BUB1B: variants seen among roughly 807,000 people sequenced by gnomAD.
BUB1B encodes the protein mitotic checkpoint serine/threonine-protein kinase BUB1 beta.
A neutral mutation model predicts 137.7 loss-of-function variants in BUB1B; 86 were observed. That is an observed-to-expected ratio of 0.62 (90% CI 0.52 to 0.75). The LOEUF is 0.75. Ranked by LOEUF, BUB1B falls within the 30% of genes least tolerant of loss-of-function variation. The pLI is 0.00. For missense variants in BUB1B, 1,130 were observed against 1,236.9 expected (o/e 0.91, Z 1.30); for synonymous variants, 420 against 417.9 (o/e 1.00, Z -0.06).
intron 14 of BUB1B, among the ~76,000 whole-genome samples, chr15:40,203,667 T>A (rs2037602790): frequency 6.6e-6 from 1 of 152,190 alleles, no homozygotes; most frequent in African/African-American, 2.4e-5. Flanking sequence ...TTTTTGGCAA[T>A]GCAAAAGTTA....
intron 1 of BUB1B, among the ~76,000 whole-genome samples, 174 bp downstream of exon 1, chr15:40,161,429 G>A (rs1477819942): frequency 6.6e-6 from 1 of 152,182 alleles, no homozygotes; most frequent in African/African-American, 2.4e-5. Context: ...AAACGCAGTG[G>A]ACTGAGGGCA....
At chr15:40,174,832 C>T (rs1230669713) in intron 4 of BUB1B, among the ~76,000 whole-genome samples, 3 of 152,108 alleles carry the variant, frequency 2.0e-5, no homozygotes, top group East Asian at 1.9e-4. Flanking sequence ...GCCGTGGTGG[C>T]GGGCGCCTAT....
chr15:40,185,070 C>A, intron 6 of BUB1B, 95 bp from the exon 7 acceptor site: 2 of 977,056 alleles, frequency 2.0e-6, no homozygotes, highest in Non-Finnish European at 3.2e-6. Flanking sequence ...AGTGGAAATA[C>A]TGTCCTTGAG....
intron 15 of BUB1B, among the ~76,000 whole-genome samples, chr15:40,207,163 CTT>C (rs1446213617): frequency 1.7e-4 from 26 of 152,156 alleles, no homozygotes; most frequent in Middle Eastern, 3.4e-3. Context: ...AAAAAACTAT[CTT>C]TTGATAGAGA....
intron 2 of BUB1B, among the ~76,000 whole-genome samples, chr15:40,167,460 A>T (rs895797337): frequency 6.9e-6 from 1 of 144,618 alleles, no homozygotes; most frequent in Admixed American, 7.4e-5. Context: ...CTCCTGCCTC[A>T]GCCTCCTGAG....
chr15:40,218,016 A>T (rs1213610650), intron 21 of BUB1B, among the ~76,000 whole-genome samples: 10 of 152,238 alleles, frequency 6.6e-5, no homozygotes, highest in African/African-American at 2.4e-4. Context: ...GAGTAAATGA[A>T]GTAATGTATA....
intron 5 of BUB1B, among the ~76,000 whole-genome samples, chr15:40,180,642 C>CTTTTTTTTTTTTTT (rs71132149): frequency 7.6e-5 from 5 of 65,836 alleles, no homozygotes; most frequent in East Asian, 5.1e-4. Flanking sequence ...TTTTCTTTTT[C>CTTTTTTTTTTTTTT]TTTTTTTTTT....
chr15:40,165,087 C>T lies in BUB1B; in HGVS notation c.70C>T (p.Leu24=). The part of the protein sequence containing the change: ...AMSLEGDEWE[L]SKENVQPLRQ... ...GTCCCTGGAGGGAGATGAATGGGAA[C>T]TGAGTAAAGAAAATGTACAACCTTT... Residue 24 remains leucine, a synonymous_variant, in exon 2 of 23, where the codon CTG becomes TTG. Coordinates refer to ENST00000287598, the MANE Select transcript of BUB1B (RefSeq NM_001211.6). 1 of 1,614,162 alleles carries T rather than the reference C, an allele frequency of 6.2e-7. No individual in the cohort carries two copies. The highest frequency in any genetic ancestry group is 8.5e-7 in the Non-Finnish European group (1 of 1,180,032).
At chr15:40,176,999 C>G (rs549990802) in intron 5 of BUB1B, among the ~76,000 whole-genome samples, 4 of 152,122 alleles carry the variant, frequency 2.6e-5, no homozygotes, top group Non-Finnish European at 4.4e-5. Context: ...TATTCTCCAG[C>G]CTGTGGTTTT....
chr15:40,196,481 T>C (rs1400223881), intron 8 of BUB1B, 64 bp from the exon 9 acceptor site: 8 of 1,400,368 alleles, frequency 5.7e-6, no homozygotes, highest in Middle Eastern at 1.9e-4. Context: ...TTAGCTTCTT[T>C]TATCAATCTT....
rs1047130 is a variant in BUB1B at position 40,196,650 on chromosome 15, G to T, written c.1164G>T (p.Ala388=). ...PLQRVQSHQQ[A]SEEKKEKMMY... ...AAAGGGTTCAGAGCCATCAGCAAGC[G>T]TCTGAGGAGAAGAAAGAGAAGATGA... The change falls in exon 9 of 23, where the codon GCG becomes GCT. Residue 388 remains alanine, a synonymous_variant. Transcript: ENST00000287598. 1.2e-6 allele frequency: 2 copies of T among 1,613,786 alleles called. No individual in the cohort carries two copies.
intron 5 of BUB1B, among the ~76,000 whole-genome samples, chr15:40,178,947 A>G (rs917650951): frequency 6.6e-6 from 1 of 152,026 alleles, no homozygotes; most frequent in African/African-American, 2.4e-5. Context: ...CATCATTACA[A>G]TCTAATTTTA....
At position 40,202,386 on chromosome 15, in the gene BUB1B, C is replaced by A; in HGVS notation, c.1568-19C>A. The A allele has an allele frequency of 6.4e-7, 1 of 1,558,198 alleles. No homozygotes were observed. Among genetic ancestry groups the A allele is most frequent in the Non-Finnish European group, 8.8e-7 (1 of 1,131,808 alleles). ...AAGCATTTACTCCTAGAGTATGTAT[C>A]TAGTCTCTCTTTCTCTAGGTCCCAG... On this transcript the variant is annotated intron_variant, in intron 12 of 22. Coordinates refer to ENST00000287598, the MANE Select transcript of BUB1B (RefSeq NM_001211.6).
chr15:40,202,501 C>A, intron 13 of BUB1B, 36 bp downstream of exon 13: 1 of 1,586,184 alleles, frequency 6.3e-7, no homozygotes, highest in South Asian at 1.1e-5. Flanking sequence ...TTTTTTTTTA[C>A]TTAAGAATTT....
intron 15 of BUB1B, 41 bp downstream of exon 15, chr15:40,206,499 C>G (rs1247363683): frequency 6.2e-7 from 1 of 1,611,514 alleles, no homozygotes; most frequent in Admixed American, 1.7e-5. Context: ...AGATTGTTTA[C>G]TCTCTTATTC....
rs1462811619 is a variant in BUB1B, at chr15:40,200,918, A to G, written c.1518-13A>G. The G allele has an allele frequency of 6.2e-7, 1 of 1,612,854 alleles. No individual in the cohort carries two copies. The highest frequency in any genetic ancestry group is 2.2e-5 in the East Asian group (1 of 44,748). ...GGTATTGAGCACATGATTTAAAACA[A>G]GTTTCTTTACAGAGAAACTTCACTT... On this transcript the variant is annotated splice_polypyrimidine_tract_variant and intron_variant, in intron 11 of 22. Transcript: ENST00000287598.
intron 2 of BUB1B, chr15:40,166,454 C>G (rs943124134): frequency 8.4e-6 from 3 of 358,656 alleles, no homozygotes; most frequent in Non-Finnish European, 1.6e-5. Flanking sequence ...AATCTCCTGC[C>G]TCAGCCTCCT....
intron 8 of BUB1B, among the ~76,000 whole-genome samples, chr15:40,195,870 C>A (rs954034456): frequency 6.6e-6 from 1 of 152,098 alleles, no homozygotes; most frequent in African/African-American, 2.4e-5. Context: ...CTGGTAGATT[C>A]TGGATATTAG....
rs2037691917 is a variant in BUB1B, at chr15:40,210,092, A to G, written c.2285-18A>G. On this transcript the variant is annotated intron_variant, in intron 17 of 22. Coordinates refer to ENST00000287598, the MANE Select transcript of BUB1B (RefSeq NM_001211.6). ...ATGTTCACAGTGATTTTTAAATGGA[A>G]TCAAACTTTCTCAACAGGTAATGAG... 1 of 1,570,938 alleles carries G rather than the reference A, an allele frequency of 6.4e-7. No individual in the cohort carries two copies. The highest frequency in any genetic ancestry group is 2.2e-5 in the East Asian group (1 of 44,644).
Sources: allele counts gnomAD v4.1 joint callset (sites outside exome capture counted in the v4.1 genomes callset), GRCh38; gene constraint gnomAD v4.1.1; transcripts MANE v1.5; gene names NCBI Gene and HGNC (gene_info 2026-07-23, HGNC 2026-07-21).